Variants in CYFIP1 observed in about 807,000 individuals in gnomAD.
The protein encoded by CYFIP1 is cytoplasmic FMR1-interacting protein 1.
In CYFIP1, 58 loss-of-function variants were observed where a neutral mutation model predicts 163.5. That is an observed-to-expected ratio of 0.35 (90% CI 0.29 to 0.44). The LOEUF is 0.44. Ranked by LOEUF, CYFIP1 falls within the 20% of genes least tolerant of loss-of-function variation. The probability of loss-of-function intolerance (pLI) is 1.00; values close to 1 mark genes in which losing one functional copy is unlikely to be tolerated. For missense variants in CYFIP1, 1,338 were observed against 1,653.8 expected, an observed-to-expected ratio of 0.81 and a Z score of 3.31; for synonymous variants, 663 against 660.7, an observed-to-expected ratio of 1.00 and a Z score of -0.05.
In CYFIP1 at chr15:22,939,285, G is replaced by A. The variant is rs180812136; in HGVS notation, c.702C>T (p.Tyr234=). 52 of 1,614,120 alleles carry A rather than the reference G, an allele frequency of 3.2e-5. No homozygotes were observed. The East Asian group carries it at 8.7e-4, about 27-fold the overall frequency. ...LQQQLEVISG[Y]EELLADIVNL... ...TCACAATATCTGCCAGGAGCTCTTC[G>A]TAGCCAGAAATCACTTCGAGCTGCT... Residue 234 remains tyrosine, a synonymous_variant, in exon 8 of 31, where the codon TAC becomes TAT. Transcript: ENST00000617928.
chr15:22,942,484 G>T, intron 6 of CYFIP1, among the ~76,000 whole-genome samples: 1 of 152,174 alleles, frequency 6.6e-6, no homozygotes, highest in East Asian at 1.9e-4. Flanking sequence ...GTCACCGAAC[G>T]CCGGTCGGCA....
intron 23 of CYFIP1, among the ~76,000 whole-genome samples, chr15:22,890,216 GCAGGAGAATTGTTTGAACC>G (rs1313259757): frequency 1.3e-5 from 2 of 151,514 alleles, no homozygotes; most frequent in East Asian, 3.9e-4. Context: ...GGAGGCTGAG[GCAGGAGAATTGTTTGAACC>G]CAGGAGGTGG....
intron 14 of CYFIP1, 78 bp from the exon 15 acceptor site, chr15:22,918,013 AACT>A: frequency 6.6e-7 from 1 of 1,504,460 alleles, no homozygotes; most frequent in Non-Finnish European, 9.0e-7. Context: ...CTCCTCACCC[AACT>A]ACAAGGCTCT....
chr15:22,934,652 C>T (rs1187215036), intron 9 of CYFIP1, among the ~76,000 whole-genome samples: 1 of 151,014 alleles, frequency 6.6e-6, no homozygotes, highest in Non-Finnish European at 1.5e-5. Context: ...CAACTGCCAC[C>T]ATGCCCAGCT....
intron 26 of CYFIP1, among the ~76,000 whole-genome samples, chr15:22,878,574 C>G (rs2059652585): frequency 6.6e-6 from 1 of 150,778 alleles, no homozygotes; most frequent in Non-Finnish European, 1.5e-5. Context: ...GGCAAAGCTT[C>G]AAATCTTTAG....
chr15:22,872,778 G>A (rs1308092818), intron 30 of CYFIP1, 47 bp downstream of exon 30: 47 of 1,582,720 alleles, frequency 3.0e-5, no homozygotes, highest in Non-Finnish European at 4.0e-5. Context: ...AAGAAAGTAT[G>A]CTTTTGCAAA....
intron 5 of CYFIP1, among the ~76,000 whole-genome samples, chr15:22,943,844 G>C (rs2085354955): frequency 6.6e-6 from 1 of 152,128 alleles, no homozygotes; most frequent in African/African-American, 2.4e-5. Context: ...CTTCCATGTG[G>C]CTACTTCTTG....
Position 22,917,821 on chromosome 15 carries a change from T to A in CYFIP1, c.1641A>T (p.Val547=). The change falls in exon 15 of 31, where the codon GTA becomes GTT. Residue 547 remains valine, a synonymous_variant. Transcript: ENST00000617928. The surrounding 1 kb of genome is among the most constrained non-coding windows in gnomAD (Gnocchi z 4.2). ...TGGAGGGTCCCACGGCGCGGCGTGG[T>A]ACTTTTATGTCGAAGCCGCTCTTGG... ...KDPKSGFDIK[V]PRRAVGPSST... is the part of the protein sequence containing the mutation. The A allele has an allele frequency of 6.2e-7, 1 of 1,613,536 alleles. No individual in the cohort carries two copies. The highest frequency in any genetic ancestry group is 8.5e-7 in the Non-Finnish European group (1 of 1,179,854).
intron 17 of CYFIP1, 68 bp downstream of exon 17, chr15:22,914,658 C>T (rs1349010576): frequency 1.8e-5 from 27 of 1,493,040 alleles, no homozygotes; most frequent in East Asian, 7.1e-5. Flanking sequence ...CCGGCCTCTC[C>T]GCCACCTCCT....
At position 22,917,362 on chromosome 15, in the gene CYFIP1, G is replaced by A; in HGVS notation, c.1674+426C>T. 2 of 1,194,016 alleles carry A rather than the reference G, an allele frequency of 1.7e-6. No homozygotes were observed. The highest frequency in any genetic ancestry group is 2.3e-5 in the South Asian group (1 of 42,806). 74.0% of individuals were successfully genotyped at this position (1,194,016 alleles called of 1,614,324 possible). A position where few individuals can be genotyped will look rare whatever the true frequency, so the allele number is the denominator to read the frequency against. ...TCGGGGAGGCCTGAACACACCAGGA[G>A]AGAGGACAGTGGGCAGCTTAGGACC... On this transcript the variant is annotated intron_variant, in intron 15 of 30. Transcript: ENST00000617928. This position sits in a 1 kb window ranked among gnomAD's most constrained non-coding sequence, Gnocchi z 4.2.
intron 1 of CYFIP1, chr15:22,951,313 T>C: frequency 8.8e-7 from 1 of 1,140,118 alleles, no homozygotes; most frequent in Non-Finnish European, 1.1e-6. Context: ...GAAACTCTCG[T>C]CCACTTCCCT....
intron 18 of CYFIP1, among the ~76,000 whole-genome samples, chr15:22,911,123 T>C (rs1476342082): frequency 6.6e-6 from 1 of 151,896 alleles, no homozygotes; most frequent in Non-Finnish European, 1.5e-5. Context: ...CAAGAATCGC[T>C]TGAACTCACA....
rs1566913147 is a variant in CYFIP1, at chr15:22,875,197, A to G, written c.3115+2T>C. 6.2e-7 allele frequency: 1 copy of G among 1,613,766 alleles called. No homozygotes were observed. ...CTCCCTGGTGGGGGTCAGCAGGCTCACCTTTCACATGGACTCGCGGCAAGA... is the reference window on the plus strand; with the variant it reads ...CTCCCTGGTGGGGGTCAGCAGGCTCGCCTTTCACATGGACTCGCGGCAAGA... On this transcript the variant is annotated splice_donor_variant, in intron 27 of 30. Transcript: ENST00000617928. LOFTEE classifies it high-confidence loss of function.
At chr15:22,962,605 T>C (rs550947000) in intron 1 of CYFIP1, among the ~76,000 whole-genome samples, 147 of 151,990 alleles carry the variant, frequency 9.7e-4, no homozygotes, top group African/African-American at 3.4e-3. Context: ...GATTTCTCCA[T>C]GTTGGTCAAG....
rs963496783 is a variant in CYFIP1, at chr15:22,868,547, T to C, written c.*1481A>G. ...TACCACCTCTAAATCTGCAGCAGAA[T>C]GCTGGCCCCAGGGTTATTAATTCAC... On this transcript the variant is annotated 3_prime_UTR_variant, in exon 31 of 31. Coordinates refer to ENST00000617928, the MANE Select transcript of CYFIP1 (RefSeq NM_014608.6). The C allele has an allele frequency of 1.3e-5, 2 of 148,216 alleles. No individual in the cohort carries two copies. The highest frequency in any genetic ancestry group is 5.0e-5 in the African/African-American group (2 of 40,204). 9.2% of individuals were successfully genotyped at this position (148,216 alleles called of 1,614,324 possible). A position where few individuals can be genotyped will look rare whatever the true frequency, so the allele number is the denominator to read the frequency against.
intron 8 of CYFIP1, among the ~76,000 whole-genome samples, chr15:22,937,998 CACA>C (rs1189707561): frequency 2.6e-5 from 4 of 152,174 alleles, no homozygotes; most frequent in Non-Finnish European, 4.4e-5. Flanking sequence ...CCGGTGCAGA[CACA>C]ACGTTTCTGC....
In CYFIP1 at chr15:22,918,434, C is replaced by T. The variant is rs559739651; in HGVS notation, c.1526+258G>A. Among the ~76,000 whole-genome samples, 9 of 152,244 alleles carry T rather than the reference C, an allele frequency of 5.9e-5. No individual in the cohort carries two copies. The South Asian group carries it at 1.9e-3, about 32-fold the overall frequency. On this transcript the variant is annotated intron_variant, in intron 14 of 30. Transcript: ENST00000617928. ...GGCACCATGCATGAACCACAGGCAC[C>T]GCGAGCCTGGGATAAATGCACCTTG... is the stretch of plus-strand genomic sequence containing the variant.
chr15:22,963,293 T>TTGGGCGTTCGAGAG (rs2062751912), intron 1 of CYFIP1, among the ~76,000 whole-genome samples: 1 of 151,742 alleles, frequency 6.6e-6, no homozygotes, highest in Admixed American at 6.6e-5. Context: ...TCACCTGAGG[T>TTGGGCGTTCGAGAG]CAGCCTGACC....
In CYFIP1 at chr15:22,927,923, C is replaced by T. The variant is rs1344952401; in HGVS notation, c.1216G>A (p.Ala406Thr). 3.1e-6 allele frequency: 5 copies of T among 1,606,048 alleles called. No individual in the cohort carries two copies. The highest frequency in any genetic ancestry group is 1.3e-5 in the African/African-American group (1 of 74,468). ...GGGCCTACCACTTCCATCACGTGCG[C>T]GCTCCACTGCGACAACAGCTGCAGG... ...QGLQLLSQWS[A>T]HVMEVYSWKL... Residue 406 changes from alanine to threonine, a missense_variant, in exon 12 of 31, where the codon GCG (alanine) becomes ACG (threonine). Ala to Thr is a moderately conservative substitution (Grantham distance 58). Around this residue, in one of 4 missense-constraint regions of CYFIP1, gnomAD observed 824 missense variants for 995.7 expected, o/e 0.83. Coordinates refer to ENST00000617928, the MANE Select transcript of CYFIP1 (RefSeq NM_014608.6).
Sources: gnomAD v4.1 joint callset for allele counts (sites outside exome capture counted in the v4.1 genomes callset) on GRCh38, gnomAD v4.1.1 for gene constraint, gnomAD v4.1.1 regional missense constraint, Gnocchi (gnomAD v3.1) non-coding constraint, MANE v1.5 for transcripts, NCBI Gene and HGNC (gene_info 2026-07-23, HGNC 2026-07-21) for gene names.